BRI3: variants seen among roughly 807,000 people sequenced by gnomAD.
BRI3 encodes the protein brain protein I3, also known as membrane protein BRI3.
Under a neutral mutation model 12.8 loss-of-function variants are expected in BRI3, and 6 were observed. The ratio of observed to expected loss-of-function variants is 0.47; its 90% CI spans 0.26 to 0.93. BRI3 has a LOEUF of 0.93. BRI3 is among the 40% of genes least tolerant of loss of function. The pLI is 0.15. For missense variants in BRI3, 134 were observed against 171.1 expected (o/e 0.78, Z 1.21); for synonymous variants, 91 against 76.1 (o/e 1.20, Z -1.02).
intron 1 of BRI3, chr7:98,306,784 A>G (rs1800675141): frequency 1.3e-5 from 6 of 449,062 alleles, no homozygotes; most frequent in South Asian, 1.1e-4. Context: ...CATAGCTCAC[A>G]GCAGCCTCGA....
At chr7:98,322,403 C>A in the BRI3 span, among the ~76,000 whole-genome samples, 1 of 152,148 alleles carries the variant, frequency 6.6e-6, no homozygotes, top group Admixed American at 6.5e-5. Context: ...ACCTCTCTGG[C>A]TGCCCTGCAT....
At chr7:98,310,049 TC>T (rs2116870801) in exon 2 of BRI3, 1 of 164,186 alleles carries the variant, frequency 6.1e-6, no homozygotes, top group South Asian at 1.5e-4. Context: ...TGGGGTTTCA[TC>T]ATGTTGGCCA....
chr7:98,315,448 C>T, the BRI3 span: 6 of 1,406,596 alleles, frequency 4.3e-6, no homozygotes, highest in East Asian at 1.1e-4. Context: ...GGCAATTTGC[C>T]ACCACACCCA....
In BRI3 at chr7:98,291,432, GAC is replaced by G. The variant is rs1331856648; in HGVS notation, c.*191_*192del. 15 of 1,423,794 alleles carry G rather than the reference GAC, an allele frequency of 1.1e-5. No homozygotes were observed. Among genetic ancestry groups the G allele is most frequent in the Non-Finnish European group, 1.4e-5 (15 of 1,090,364 alleles). 88.2% of individuals were successfully genotyped at this position (1,423,794 alleles called of 1,614,324 possible). A position where few individuals can be genotyped will look rare whatever the true frequency, so the allele number is the denominator to read the frequency against. On this transcript the variant is annotated 3_prime_UTR_variant, in exon 3 of 3. Coordinates refer to ENST00000297290, the MANE Select transcript of BRI3 (RefSeq NM_015379.5). ...GCTGCTGCTCCCGCCCGAGGCTCAT[GAC>G]AACTCAATAAAGCACTGCTTTTATT... is the stretch of plus-strand genomic sequence containing the variant.
At chr7:98,285,051 G>A (rs1219957248) in intron 2 of BRI3, among the ~76,000 whole-genome samples, 1 of 152,174 alleles carries the variant, frequency 6.6e-6, no homozygotes, top group Admixed American at 6.6e-5. Flanking sequence ...CAGGAGTGGG[G>A]AAGGCCCCTG....
downstream of BRI3, among the ~76,000 whole-genome samples, chr7:98,297,584 A>G (rs1399130278): frequency 6.6e-6 from 1 of 152,172 alleles, no homozygotes; most frequent in Non-Finnish European, 1.5e-5. Flanking sequence ...TTCAGTGTGA[A>G]AACCCATTCC....
chr7:98,322,746 C>T, the BRI3 span: 4 of 152,334 alleles, frequency 2.6e-5, no homozygotes, highest in African/African-American at 9.7e-5. Flanking sequence ...CTGCTTCCAT[C>T]CCTCATCCTC....
chr7:98,292,660 T>C (rs1442665341), downstream of BRI3: 1 of 1,551,638 alleles, frequency 6.4e-7, no homozygotes, highest in Admixed American at 2.0e-5. Context: ...CATCCTGGCT[T>C]TACACGTATC....
intron 1 of BRI3, among the ~76,000 whole-genome samples, chr7:98,299,858 T>G (rs1382811429): frequency 1.3e-5 from 2 of 151,904 alleles, no homozygotes; most frequent in Non-Finnish European, 2.9e-5. Flanking sequence ...CTGGCCAACA[T>G]GGTGAAACCC....
At chr7:98,307,665 G>T in exon 2 of BRI3, 1 of 1,612,548 alleles carries the variant, frequency 6.2e-7, no homozygotes. Context: ...GGTGCCCTGC[G>T]GGGACCATCA....
chr7:98,293,530 G>A (rs1477627594), downstream of BRI3: 5 of 1,613,316 alleles, frequency 3.1e-6, no homozygotes, highest in Admixed American at 6.7e-5. Flanking sequence ...CTCATCGAAT[G>A]ATGGGTGCCG....
chr7:98,317,769 T>C, the BRI3 span, among the ~76,000 whole-genome samples: 1 of 146,084 alleles, frequency 6.8e-6, no homozygotes, highest in African/African-American at 2.6e-5. Flanking sequence ...GTTCACATCA[T>C]CCTCACACTG....
intron 2 of BRI3, among the ~76,000 whole-genome samples, chr7:98,288,078 C>T (rs1385815737): frequency 6.6e-6 from 1 of 152,206 alleles, no homozygotes; most frequent in African/African-American, 2.4e-5. Flanking sequence ...AGAAGGATTT[C>T]TCAGCCGGTT....
intron 1 of BRI3, among the ~76,000 whole-genome samples, chr7:98,300,846 C>T (rs1404046456): frequency 1.3e-5 from 2 of 152,200 alleles, no homozygotes; most frequent in Non-Finnish European, 2.9e-5. Context: ...CTTGAGCCCC[C>T]CAAGTCACCG....
chr7:98,285,344 T>A (rs1349007736), intron 2 of BRI3, among the ~76,000 whole-genome samples: 1 of 152,108 alleles, frequency 6.6e-6, no homozygotes, highest in Admixed American at 6.5e-5. Context: ...TGTGACAGCC[T>A]TGGGCTTCCA....
downstream of BRI3, among the ~76,000 whole-genome samples, chr7:98,314,097 T>C (rs1424725140): frequency 6.7e-6 from 1 of 148,412 alleles, no homozygotes; most frequent in Admixed American, 6.9e-5. Context: ...ACAATTCTCC[T>C]GCCTCAGCCT....
At chr7:98,315,451 C>T in the BRI3 span, 1 of 1,409,354 alleles carries the variant, frequency 7.1e-7, no homozygotes, top group Non-Finnish European at 9.3e-7. Context: ...AATTTGCCAC[C>T]ACACCCACCT....
downstream of BRI3, chr7:98,292,362 C>T: frequency 2.4e-6 from 1 of 424,226 alleles, no homozygotes; most frequent in South Asian, 2.7e-5. Flanking sequence ...GCGCCCACCA[C>T]CACACCTGTC....
At chr7:98,294,185 G>T (rs1584408589), downstream of BRI3, 3 of 1,499,754 alleles carry the variant, frequency 2.0e-6, no homozygotes, top group South Asian at 1.1e-5. Context: ...TAGAGATGGG[G>T]ATTTGCTATG....
Sources: gnomAD v4.1 joint callset for allele counts (sites outside exome capture counted in the v4.1 genomes callset) on GRCh38, gnomAD v4.1.1 for gene constraint, MANE v1.5 for transcripts, NCBI Gene and HGNC (gene_info 2026-07-23, HGNC 2026-07-21) for gene names.